GKAP1: variants seen among roughly 807,000 people sequenced by gnomAD.
The protein encoded by GKAP1 is G kinase anchoring protein 1, also known as G kinase-anchoring protein 1.
In GKAP1, 31 loss-of-function variants were observed where a neutral mutation model predicts 56.7. That is an observed-to-expected ratio of 0.55 (90% confidence interval 0.41 to 0.74). GKAP1 has a LOEUF of 0.74. Ranked by LOEUF, GKAP1 falls within the 30% of genes least tolerant of loss-of-function variation. The pLI, the probability that GKAP1 is intolerant of heterozygous loss-of-function variation, is 0.00. For missense variants in GKAP1, 364 were observed against 402.3 expected (o/e 0.90, Z 0.82); for synonymous variants, 151 against 138.6 (o/e 1.09, Z -0.63).
intron 9 of GKAP1, among the ~76,000 whole-genome samples, chr9:83,752,540 G>C (rs1454131006): frequency 6.6e-6 from 1 of 152,172 alleles, no homozygotes; most frequent in Non-Finnish European, 1.5e-5. Context: ...AGAAATTAGA[G>C]GTTACCGGGG....
At chr9:83,743,499 G>A (rs1443777036) in intron 10 of GKAP1, among the ~76,000 whole-genome samples, 1 of 152,026 alleles carries the variant, frequency 6.6e-6, no homozygotes, top group Non-Finnish European at 1.5e-5. Context: ...GGAGGCTGAG[G>A]CAGGAGAATC....
chr9:83,799,142 A>T, intron 4 of GKAP1, 43 bp downstream of exon 4: 2 of 1,576,154 alleles, frequency 1.3e-6, no homozygotes, highest in Non-Finnish European at 1.7e-6. Flanking sequence ...AAAAATCCAT[A>T]AATTCAATGA....
intron 11 of GKAP1, 34 bp downstream of exon 11, chr9:83,742,496 G>A: frequency 6.9e-7 from 1 of 1,443,266 alleles, no homozygotes; most frequent in Non-Finnish European, 9.6e-7. Context: ...GACAGCTTAA[G>A]AAAACCAGTC....
chr9:83,804,671 TG>T (rs1376897172), intron 3 of GKAP1, among the ~76,000 whole-genome samples: 5 of 81,990 alleles, frequency 6.1e-5, no homozygotes, highest in South Asian at 4.3e-4. Flanking sequence ...GGGAGGGAGG[TG>T]GGGGGGTCCA....
intron 12 of GKAP1, among the ~76,000 whole-genome samples, chr9:83,741,335 A>G (rs1450704753): frequency 6.9e-6 from 1 of 145,684 alleles, no homozygotes; most frequent in African/African-American, 2.5e-5. Flanking sequence ...AAACACATAT[A>G]TATACACACA....
At chr9:83,745,249 G>T (rs911416643) in intron 10 of GKAP1, among the ~76,000 whole-genome samples, 1 of 152,098 alleles carries the variant, frequency 6.6e-6, no homozygotes, top group Admixed American at 6.6e-5. Flanking sequence ...GCCCAGGCTG[G>T]TCCCAAACTC....
At position 83,786,547 on chromosome 9, in the gene GKAP1, AAAAAAAG is replaced by A. The variant is rs1274956880; in HGVS notation, c.439-1716_439-1710del. Among the ~76,000 whole-genome samples the A allele has an allele frequency of 3.3e-5, 5 of 152,266 alleles. No homozygotes were observed. The East Asian group carries it at 9.6e-4, about 29-fold the overall frequency. On this transcript the variant is annotated intron_variant, in intron 5 of 12. Transcript: ENST00000376371. ...CAACAGCGAAACTCTGTCTCAAAAA[AAAAAAAG>A]AAAAAAGAAGAAAAGAAAAGAAAAA... is the stretch of plus-strand genomic sequence containing the variant.
Position 83,799,165 on chromosome 9 carries a change from T to G in GKAP1, c.360+20A>C, listed in dbSNP as rs748994673. The G allele has an allele frequency of 1.9e-6, 3 of 1,606,450 alleles. No individual in the cohort carries two copies. In the East Asian group the frequency reaches 6.7e-5, roughly 36 times the overall value. Reference sequence around the variant, plus strand: ...ATAAATTCAATGAAAAACAAAGCAATTTTATTTACTTAGTTGTACCTGCTC... The same window carrying G: ...ATAAATTCAATGAAAAACAAAGCAAGTTTATTTACTTAGTTGTACCTGCTC... On this transcript the variant is annotated intron_variant, in intron 4 of 12. Transcript: ENST00000376371.
chr9:83,787,185 G>A (rs1337847003), intron 5 of GKAP1, among the ~76,000 whole-genome samples: 1 of 152,158 alleles, frequency 6.6e-6, no homozygotes, highest in Non-Finnish European at 1.5e-5. Context: ...CACTTTATTA[G>A]CAACTTTTTT....
At position 83,793,440 on chromosome 9, in the gene GKAP1, A is replaced by G. The variant is rs1375761312; in HGVS notation, c.361-4762T>C. 2.6e-5 allele frequency among the ~76,000 whole-genome samples: 4 copies of G among 152,234 alleles called. No homozygotes were observed. The East Asian group carries it at 7.7e-4, about 29-fold the overall frequency. The stretch of plus-strand genomic sequence containing the variant: ...AAATCTTACAGTAGTCTTATTGAAC[A>G]TAATTATTCTAAAGGTTGTCAGAGT... On this transcript the variant is annotated intron_variant, in intron 4 of 12. Coordinates refer to ENST00000376371, the MANE Select transcript of GKAP1 (RefSeq NM_025211.4).
At chr9:83,771,901 G>C (rs558137117) in intron 7 of GKAP1, among the ~76,000 whole-genome samples, 42 of 152,052 alleles carry the variant, frequency 2.8e-4, no homozygotes, top group Admixed American at 9.2e-4. Context: ...CAATGTCCCT[G>C]CTTGTTGATA....
At chr9:83,804,608 T>G in intron 3 of GKAP1, among the ~76,000 whole-genome samples, 1 of 104,290 alleles carries the variant, frequency 9.6e-6, no homozygotes, top group Non-Finnish European at 1.9e-5. Context: ...AGCCGCCCCA[T>G]CCAGGAGGGA....
At chr9:83,799,031 C>A (rs1214557243) in intron 4 of GKAP1, among the ~76,000 whole-genome samples, 154 bp downstream of exon 4, 3 of 152,102 alleles carry the variant, frequency 2.0e-5, no homozygotes, top group Admixed American at 1.3e-4. Context: ...TTCAGTAGAT[C>A]AAAAACAGAA....
chr9:83,778,521 C>T (rs1587715946), intron 7 of GKAP1, among the ~76,000 whole-genome samples: 2 of 151,778 alleles, frequency 1.3e-5, no homozygotes, highest in Non-Finnish European at 2.9e-5. Context: ...TAGAGGGGAA[C>T]AAGACACACT....
intron 8 of GKAP1, among the ~76,000 whole-genome samples, chr9:83,755,989 G>C (rs1943468506): frequency 6.6e-6 from 1 of 151,802 alleles, no homozygotes; most frequent in African/African-American, 2.4e-5. Context: ...ATTTTTACTA[G>C]AGACAGGGTT....
chr9:83,766,428 A>C (rs1189390949), intron 8 of GKAP1, among the ~76,000 whole-genome samples: 10 of 152,216 alleles, frequency 6.6e-5, no homozygotes, highest in Non-Finnish European at 1.5e-5. Context: ...CAATGCCAGA[A>C]AGAACCTCAC....
chr9:83,801,460 A>G (rs910113109), intron 3 of GKAP1, among the ~76,000 whole-genome samples: 13 of 152,102 alleles, frequency 8.5e-5, no homozygotes, highest in Non-Finnish European at 1.9e-4. Flanking sequence ...AGGATCAACA[A>G]TTTTAACTGT....
intron 3 of GKAP1, among the ~76,000 whole-genome samples, chr9:83,802,684 G>C (rs1944350897): frequency 2.0e-5 from 3 of 151,482 alleles, no homozygotes; most frequent in Admixed American, 6.6e-5. Flanking sequence ...AAAATTAGCT[G>C]GGTGTGGTGG....
chr9:83,813,865 C>T (rs1944545374), intron 2 of GKAP1, among the ~76,000 whole-genome samples: 1 of 152,158 alleles, frequency 6.6e-6, no homozygotes, highest in South Asian at 2.1e-4. Context: ...TTTGGAAGGG[C>T]TGAGGTGGGC....
Sources: allele counts gnomAD v4.1 joint callset (sites outside exome capture counted in the v4.1 genomes callset), GRCh38; gene constraint gnomAD v4.1.1; transcripts MANE v1.5; gene names NCBI Gene and HGNC (gene_info 2026-07-23, HGNC 2026-07-21).